GRM8: variants seen among roughly 807,000 people sequenced by gnomAD.
The protein encoded by GRM8 is glutamate metabotropic receptor 8.
Under a neutral mutation model 87.2 loss-of-function variants are expected in GRM8, and 47 were observed. That is an observed-to-expected ratio of 0.54 (90% CI 0.43 to 0.69). The LOEUF (loss-of-function observed/expected upper bound fraction) is 0.69. Among genes scored for constraint, GRM8 ranks in the 30% least tolerant of loss-of-function variants. The probability of loss-of-function intolerance (pLI) is 0.00; values close to 1 mark genes in which losing one functional copy is unlikely to be tolerated. For missense variants in GRM8, 1,019 were observed against 1,139.2 expected (o/e 0.89, Z 1.52); for synonymous variants, 396 against 404.5 (o/e 0.98, Z 0.25).
chr7:127,226,608 A>G (rs1316988675), intron 2 of GRM8, among the ~76,000 whole-genome samples: 1 of 152,216 alleles, frequency 6.6e-6, no homozygotes, highest in Non-Finnish European at 1.5e-5. Context: ...GGCACTTGTA[A>G]AAACTCAGGA....
In GRM8 at chr7:126,788,409, C is replaced by CAAAAAAAAAAAAAAAAAAAAAAAAAAA. The variant is rs67131936; in HGVS notation, c.1157-18345_1157-18344insTTTTTTTTTTTTTTTTTTTTTTTTTTT. Among the ~76,000 whole-genome samples the CAAAAAAAAAAAAAAAAAAAAAAAAAAA allele has an allele frequency of 9.9e-3, 106 of 10,758 alleles. 2 individuals are homozygous for CAAAAAAAAAAAAAAAAAAAAAAAAAAA. The highest frequency in any genetic ancestry group is 0.015 in the Non-Finnish European group (76 of 5,044). 7.1% of individuals were successfully genotyped at this position (10,758 alleles called of 152,430 possible). On this transcript the variant is annotated intron_variant, in intron 6 of 10. Transcript: ENST00000339582. Reference sequence around the variant, plus strand: ...TGGGTATCAGAGCAAGACTCCATCTCAAAAAAAAAAAAAACCCTTTCAGAT... The same window carrying CAAAAAAAAAAAAAAAAAAAAAAAAAAA: ...TGGGTATCAGAGCAAGACTCCATCTCAAAAAAAAAAAAAAAAAAAAAAAAAAAAAAAAAAAAAAAAACCCTTTCAGAT...
At chr7:126,652,666 C>T (rs1290552439) in intron 7 of GRM8, among the ~76,000 whole-genome samples, 3 of 152,296 alleles carry the variant, frequency 2.0e-5, no homozygotes, top group East Asian at 1.9e-4. Context: ...TGCCCTCGAA[C>T]ATGAGACTCC....
At chr7:126,947,126 A>T (rs1046565971) in intron 3 of GRM8, among the ~76,000 whole-genome samples, 20 of 152,122 alleles carry the variant, frequency 1.3e-4, no homozygotes, top group Admixed American at 3.3e-4. Flanking sequence ...GGCTTCATTT[A>T]CTCTTCATTT....
chr7:126,703,995 G>A lies in GRM8; in HGVS notation c.1357+65870C>T, dbSNP rs552857091. Among the ~76,000 whole-genome samples, 96 of 152,164 alleles carry A rather than the reference G, an allele frequency of 6.3e-4. 1 individual carries two copies. Among genetic ancestry groups the A allele is most frequent in the Middle Eastern group, 6.8e-3 (2 of 294 alleles). On this transcript the variant is annotated intron_variant, in intron 7 of 10. Transcript: ENST00000339582. ...TCCTCAGGCCCAGGAAGAACTGGAC[G>A]ACTTCTGTCTACCTATACTACCAGC...
chr7:126,562,832 T>C (rs367981843), intron 8 of GRM8, among the ~76,000 whole-genome samples: 103 of 152,124 alleles, frequency 6.8e-4, no homozygotes, highest in African/African-American at 2.4e-3. Flanking sequence ...AGGAGGCAGA[T>C]ATTGCGGTGA....
chr7:126,922,028 T>C (rs1206226001), intron 3 of GRM8, among the ~76,000 whole-genome samples: 1 of 152,054 alleles, frequency 6.6e-6, no homozygotes, highest in Non-Finnish European at 1.5e-5. Context: ...CAGAAGAATC[T>C]CCAAGAAGAA....
chr7:126,717,102 A>T (rs1811844799), intron 7 of GRM8, among the ~76,000 whole-genome samples: 1 of 152,308 alleles, frequency 6.6e-6, no homozygotes, highest in African/African-American at 2.4e-5. Context: ...CATCTTTGTG[A>T]GATTTGGGCA....
intron 2 of GRM8, among the ~76,000 whole-genome samples, chr7:127,222,158 C>T (rs1308542834): frequency 1.3e-5 from 2 of 152,208 alleles, no homozygotes; most frequent in Non-Finnish European, 2.9e-5. Flanking sequence ...GTAATCCCAG[C>T]ACTTTGGGAG....
chr7:126,940,619 CA>C, intron 3 of GRM8, among the ~76,000 whole-genome samples: 1 of 152,328 alleles, frequency 6.6e-6, no homozygotes, highest in South Asian at 2.1e-4. Context: ...GATCCTCCAT[CA>C]CTCAAAACAA....
At chr7:127,126,857 A>C (rs920586723) in intron 2 of GRM8, among the ~76,000 whole-genome samples, 1 of 152,024 alleles carries the variant, frequency 6.6e-6, no homozygotes, top group African/African-American at 2.4e-5. Flanking sequence ...TTTTACCAAG[A>C]ATTTTTAAAG....
chr7:126,699,005 G>T (rs1156419361), intron 7 of GRM8, among the ~76,000 whole-genome samples: 1 of 152,176 alleles, frequency 6.6e-6, no homozygotes, highest in Non-Finnish European at 1.5e-5. Context: ...TGTGGTGAAA[G>T]AAGCTGTTAG....
intron 7 of GRM8, among the ~76,000 whole-genome samples, chr7:126,728,187 C>T (rs1813217484): frequency 6.6e-6 from 1 of 152,132 alleles, no homozygotes; most frequent in South Asian, 2.1e-4. Context: ...CTTCACAGAT[C>T]CAGTAGGGGA....
chr7:126,459,793 A>C (rs774782801), intron 9 of GRM8, among the ~76,000 whole-genome samples: 2 of 151,432 alleles, frequency 1.3e-5, no homozygotes, highest in Non-Finnish European at 3.0e-5. Flanking sequence ...GAGTTGAGGA[A>C]GATGTAAAGG....
At chr7:127,091,737 A>C (rs1586974462) in intron 3 of GRM8, among the ~76,000 whole-genome samples, 7 of 51,582 alleles carry the variant, frequency 1.4e-4, no homozygotes, top group Admixed American at 5.0e-4. Context: ...CCCTCCTCCC[A>C]CTGGTCATCC....
chr7:126,752,907 A>C (rs894823573), intron 7 of GRM8, among the ~76,000 whole-genome samples: 3 of 151,998 alleles, frequency 2.0e-5, no homozygotes, highest in African/African-American at 7.2e-5. Flanking sequence ...AATACTTTAC[A>C]TTTTGTAGTT....
chr7:126,990,274 C>T (rs1011938017), intron 3 of GRM8, among the ~76,000 whole-genome samples: 1 of 151,324 alleles, frequency 6.6e-6, no homozygotes, highest in African/African-American at 2.4e-5. Flanking sequence ...ACAGTTCTGG[C>T]TGATGAGATA....
intron 7 of GRM8, among the ~76,000 whole-genome samples, chr7:126,657,528 A>T (rs574795520): frequency 6.6e-6 from 1 of 152,236 alleles, no homozygotes; most frequent in Non-Finnish European, 1.5e-5. Flanking sequence ...AGGGCAATCA[A>T]TGCTTTAGGA....
intron 3 of GRM8, among the ~76,000 whole-genome samples, chr7:127,045,311 G>GT (rs1216209727): frequency 0.036 from 5,102 of 141,932 alleles, 171 homozygotes; most frequent in African/African-American, 0.093. Flanking sequence ...ATTATCTGGA[G>GT]TTTTTTTTTT....
chr7:127,013,783 A>C (rs1231959863), intron 3 of GRM8, among the ~76,000 whole-genome samples: 1 of 152,162 alleles, frequency 6.6e-6, no homozygotes. Context: ...CTACTGAAGG[A>C]ATGTCAAGCA....
Sources: allele counts gnomAD v4.1 joint callset (sites outside exome capture counted in the v4.1 genomes callset), GRCh38; gene constraint gnomAD v4.1.1; transcripts MANE v1.5; gene names NCBI Gene and HGNC (gene_info 2026-07-23, HGNC 2026-07-21).